ANKS1B: variants seen among roughly 807,000 people sequenced by gnomAD.
ANKS1B encodes ankyrin repeat and sterile alpha motif domain containing 1B, also known as ankyrin repeat and sterile alpha motif domain-containing protein 1B.
In ANKS1B, 36 loss-of-function variants were observed where a neutral mutation model predicts 148.3. That is an observed-to-expected ratio of 0.24 (90% CI 0.19 to 0.32). ANKS1B has a LOEUF of 0.32. Among genes scored for constraint, ANKS1B ranks in the 10% least tolerant of loss-of-function variants. ANKS1B has a pLI of 1.00. For missense variants in ANKS1B, 1,157 were observed against 1,542.6 expected, an observed-to-expected ratio of 0.75 and a Z score of 4.19; for synonymous variants, 542 against 560.8, an observed-to-expected ratio of 0.97 and a Z score of 0.47.
intron 9 of ANKS1B, among the ~76,000 whole-genome samples, chr12:99,548,842 G>A (rs900384134): frequency 6.6e-6 from 1 of 152,148 alleles, no homozygotes; most frequent in African/African-American, 2.4e-5. Flanking sequence ...AAGTTGCGAA[G>A]ATCATCATTC....
chr12:99,007,059 T>TA (rs60242339), intron 17 of ANKS1B, among the ~76,000 whole-genome samples: 63,774 of 151,910 alleles, frequency 0.42, 13,776 homozygotes, highest in South Asian at 0.51. Flanking sequence ...TAATAAAGCA[T>TA]AAAAAATCAG....
In ANKS1B at chr12:99,404,384, A is replaced by G. The variant is rs879869280; in HGVS notation, c.1576-4573T>C. 5.5e-5 allele frequency among the ~76,000 whole-genome samples: 8 copies of G among 146,196 alleles called. 1 individual carries two copies. The highest frequency in any genetic ancestry group is 1.2e-4 in the Non-Finnish European group (8 of 66,184). On this transcript the variant is annotated intron_variant, in intron 11 of 26. Transcript: ENST00000683438. ...AAAGAAGCTGCTTTGAGGAAACTCA[A>G]CAAAATTCAAGATAACGCAGATGAG...
At chr12:99,597,026 C>T (rs1313094325) in intron 9 of ANKS1B, among the ~76,000 whole-genome samples, 2 of 151,848 alleles carry the variant, frequency 1.3e-5, no homozygotes, top group Non-Finnish European at 2.9e-5. Context: ...ATTGAAATGA[C>T]TATGCAATTT....
At chr12:99,167,096 A>G (rs2077258480) in intron 14 of ANKS1B, among the ~76,000 whole-genome samples, 1 of 152,110 alleles carries the variant, frequency 6.6e-6, no homozygotes, top group South Asian at 2.1e-4. Flanking sequence ...TTCATCATAT[A>G]TAAAAATTAT....
At chr12:99,479,874 T>C (rs1347664747) in intron 10 of ANKS1B, among the ~76,000 whole-genome samples, 1 of 151,868 alleles carries the variant, frequency 6.6e-6, no homozygotes, top group East Asian at 1.9e-4. Flanking sequence ...TGCTAAAAAA[T>C]AGATTTTAAA....
At chr12:99,478,439 T>C (rs758464981) in intron 10 of ANKS1B, among the ~76,000 whole-genome samples, 12 of 152,106 alleles carry the variant, frequency 7.9e-5, no homozygotes, top group Non-Finnish European at 1.6e-4. Flanking sequence ...TTGGGTTTAG[T>C]AATATATATT....
intron 12 of ANKS1B, among the ~76,000 whole-genome samples, chr12:99,322,757 T>C (rs1216609279): frequency 1.3e-5 from 2 of 152,192 alleles, no homozygotes; most frequent in African/African-American, 2.4e-5. Flanking sequence ...AAATCTCATC[T>C]TGAATTGTAG....
intron 1 of ANKS1B, among the ~76,000 whole-genome samples, chr12:99,900,682 C>T (rs975770810): frequency 2.0e-5 from 3 of 152,016 alleles, no homozygotes; most frequent in African/African-American, 7.2e-5. Flanking sequence ...TAAGGAAGAA[C>T]TATGATTCAT....
At chr12:99,963,046 C>T (rs879284714) in intron 1 of ANKS1B, among the ~76,000 whole-genome samples, 1 of 152,116 alleles carries the variant, frequency 6.6e-6, no homozygotes, top group African/African-American at 2.4e-5. Flanking sequence ...ATCTCCTGAC[C>T]TCGTGATGCA....
chr12:99,022,891 T>C (rs1598580546), intron 17 of ANKS1B, among the ~76,000 whole-genome samples: 2 of 152,210 alleles, frequency 1.3e-5, no homozygotes, highest in Middle Eastern at 3.4e-3. Context: ...CTAAGAAATT[T>C]TCCTTAAATT....
intron 17 of ANKS1B, among the ~76,000 whole-genome samples, chr12:98,924,512 T>G (rs2099805554): frequency 6.6e-6 from 1 of 152,106 alleles, no homozygotes; most frequent in Non-Finnish European, 1.5e-5. Flanking sequence ...CAAAGTAGCT[T>G]CCCCCAAGCC....
At chr12:99,030,709 G>A (rs968095252) in intron 17 of ANKS1B, among the ~76,000 whole-genome samples, 54 of 152,066 alleles carry the variant, frequency 3.6e-4, no homozygotes, top group African/African-American at 1.1e-3. Flanking sequence ...ATTAGAATGC[G>A]AACTCTTCAA....
At chr12:99,885,068 G>A (rs2092749102) in intron 1 of ANKS1B, among the ~76,000 whole-genome samples, 1 of 151,874 alleles carries the variant, frequency 6.6e-6, no homozygotes, top group African/African-American at 2.4e-5. Context: ...ATATCTCATA[G>A]GTCTTTATAA....
At chr12:99,549,340 A>G (rs574130523) in intron 9 of ANKS1B, among the ~76,000 whole-genome samples, 3 of 152,328 alleles carry the variant, frequency 2.0e-5, no homozygotes, top group East Asian at 3.9e-4. Flanking sequence ...GAGGCAAAAG[A>G]CTAGGAAGTT....
At chr12:99,598,979 T>C (rs1567443926) in intron 9 of ANKS1B, among the ~76,000 whole-genome samples, 1 of 152,074 alleles carries the variant, frequency 6.6e-6, no homozygotes, top group Non-Finnish European at 1.5e-5. Context: ...TTGCCTTTTT[T>C]CAGCTTCTGG....
chr12:99,441,593 G>A (rs1342464484), intron 11 of ANKS1B, among the ~76,000 whole-genome samples: 1 of 151,850 alleles, frequency 6.6e-6, no homozygotes, highest in Admixed American at 6.6e-5. Context: ...TAGATATATA[G>A]CTGTTATTGT....
intron 1 of ANKS1B, among the ~76,000 whole-genome samples, chr12:99,842,439 T>C (rs1376842811): frequency 6.6e-6 from 1 of 152,162 alleles, no homozygotes; most frequent in East Asian, 1.9e-4. Context: ...TAGGCCCATC[T>C]GTGTACTTCC....
chr12:98,787,154 C>G (rs1287644594), intron 22 of ANKS1B, among the ~76,000 whole-genome samples: 1 of 152,130 alleles, frequency 6.6e-6, no homozygotes, highest in African/African-American at 2.4e-5. Context: ...ACAAAATAAG[C>G]ATTATTGTGG....
chr12:99,944,986 T>C (rs1473388917), intron 1 of ANKS1B, among the ~76,000 whole-genome samples: 5 of 152,108 alleles, frequency 3.3e-5, no homozygotes, highest in Admixed American at 3.3e-4. Context: ...AGCATCAACT[T>C]AGCAGCTAAT....
Sources: gnomAD v4.1 joint callset for allele counts (sites outside exome capture counted in the v4.1 genomes callset) on GRCh38, gnomAD v4.1.1 for gene constraint, MANE v1.5 for transcripts, NCBI Gene and HGNC (gene_info 2026-07-23, HGNC 2026-07-21) for gene names.